The following ARID1B variants were observed in gnomAD, a reference collection of about 807,000 sequenced individuals.
The protein encoded by ARID1B is AT-rich interactive domain-containing protein 1B.
In ARID1B, 30 loss-of-function variants were observed where a neutral mutation model predicts 212.3. The observed-to-expected ratio is 0.14, with a 90% CI of 0.11 to 0.19. The LOEUF (loss-of-function observed/expected upper bound fraction) is 0.19. Ranked by LOEUF, ARID1B falls within the 10% of genes least tolerant of loss-of-function variation. The pLI, the probability that ARID1B is intolerant of heterozygous loss-of-function variation, is 1.00. For synonymous variants in ARID1B, 1,402 were observed against 1,301.7 expected, an observed-to-expected ratio of 1.08 and a Z score of -1.66; for missense variants, 2,891 against 3,204.0, an observed-to-expected ratio of 0.90 and a Z score of 2.36.
intron 4 of ARID1B, among the ~76,000 whole-genome samples, chr6:157,001,436 G>A (rs1422998344): frequency 6.6e-6 from 1 of 152,162 alleles, no homozygotes; most frequent in Admixed American, 6.5e-5. Context: ...GATGACGTGA[G>A]GTTCTGGTTC....
chr6:156,964,734 A>G (rs906831524), intron 4 of ARID1B, among the ~76,000 whole-genome samples: 1 of 152,242 alleles, frequency 6.6e-6, no homozygotes, highest in Non-Finnish European at 1.5e-5. Context: ...ATTTTCATTA[A>G]TATTTTAGCA....
At chr6:156,811,536 G>A (rs987888144) in intron 1 of ARID1B, among the ~76,000 whole-genome samples, 2 of 152,144 alleles carry the variant, frequency 1.3e-5, no homozygotes, top group African/African-American at 4.8e-5. Flanking sequence ...TTTTCATTCT[G>A]AGGCCTCTTC....
intron 7 of ARID1B, among the ~76,000 whole-genome samples, chr6:157,144,181 G>C (rs1294535077): frequency 6.6e-6 from 1 of 152,190 alleles, no homozygotes; most frequent in Non-Finnish European, 1.5e-5. Context: ...TGTTCATTAA[G>C]ATACAGCCCT....
chr6:157,137,879 G>A (rs1243701283), intron 7 of ARID1B, among the ~76,000 whole-genome samples: 1 of 152,110 alleles, frequency 6.6e-6, no homozygotes, highest in Non-Finnish European at 1.5e-5. Context: ...TTTGGTAAAG[G>A]TGTTTTTCAG....
chr6:157,029,817 T>C (rs1380234979), intron 4 of ARID1B, among the ~76,000 whole-genome samples: 2 of 152,180 alleles, frequency 1.3e-5, no homozygotes, highest in Non-Finnish European at 2.9e-5. Flanking sequence ...GTTTAGCTTC[T>C]TGTGGACCAT....
At chr6:157,011,145 T>C (rs573553725) in intron 4 of ARID1B, among the ~76,000 whole-genome samples, 4 of 152,338 alleles carry the variant, frequency 2.6e-5, no homozygotes, top group African/African-American at 9.6e-5. Flanking sequence ...ACCTTTTGTT[T>C]TTAGTGCAGG....
At chr6:156,895,916 A>G (rs1788350013) in intron 2 of ARID1B, among the ~76,000 whole-genome samples, 1 of 152,240 alleles carries the variant, frequency 6.6e-6, no homozygotes, top group Non-Finnish European at 1.5e-5. Context: ...GTGTGTTTAT[A>G]AACAGTATAC....
intron 2 of ARID1B, among the ~76,000 whole-genome samples, chr6:156,855,930 G>A (rs1296631688): frequency 1.3e-5 from 2 of 152,146 alleles, no homozygotes; most frequent in Non-Finnish European, 2.9e-5. Flanking sequence ...GATTATAGTG[G>A]TTTGTTCTCT....
intron 7 of ARID1B, among the ~76,000 whole-genome samples, chr6:157,136,270 C>T (rs1175835616): frequency 3.9e-5 from 6 of 152,178 alleles, no homozygotes; most frequent in African/African-American, 1.4e-4. Context: ...TCTTAATTAA[C>T]GGGAAGCCCT....
intron 4 of ARID1B, among the ~76,000 whole-genome samples, chr6:157,068,113 G>T (rs1296847292): frequency 6.6e-6 from 1 of 152,184 alleles, no homozygotes; most frequent in Non-Finnish European, 1.5e-5. Flanking sequence ...TCACAATTTG[G>T]TTCTCTTATC....
intron 3 of ARID1B, among the ~76,000 whole-genome samples, chr6:156,926,566 A>T (rs1290803295): frequency 6.6e-6 from 1 of 152,154 alleles, no homozygotes; most frequent in East Asian, 1.9e-4. Context: ...ATGTAAACAG[A>T]AGTAGATAAT....
rs1436548416 is a variant in ARID1B at position 157,027,801 on chromosome 6, T to A, written c.2248-56861T>A. ...CACAATATGTCTTCTACATAGTGAC[T>A]TTGTAACAACTTTCAGCTTCCTTTT... On this transcript the variant is annotated intron_variant, in intron 4 of 19. Transcript: ENST00000636930. Among the ~76,000 whole-genome samples, 7 of 152,364 alleles carry A rather than the reference T, an allele frequency of 4.6e-5. 1 individual carries two copies. In the East Asian group the frequency reaches 1.3e-3, roughly 29 times the overall value.
intron 6 of ARID1B, among the ~76,000 whole-genome samples, chr6:157,132,681 G>T (rs533603487): frequency 6.6e-6 from 1 of 152,310 alleles, no homozygotes; most frequent in Admixed American, 6.5e-5. Flanking sequence ...GGGGCAGAGG[G>T]TTTGCAGTAC....
chr6:157,179,424 G>C (rs1279806266), intron 11 of ARID1B, among the ~76,000 whole-genome samples: 3 of 151,784 alleles, frequency 2.0e-5, no homozygotes, highest in East Asian at 3.9e-4. Flanking sequence ...AAATTTATTT[G>C]GATATATAGT....
chr6:156,932,147 G>A (rs981764086), intron 3 of ARID1B, among the ~76,000 whole-genome samples: 2 of 135,692 alleles, frequency 1.5e-5, no homozygotes, highest in Non-Finnish European at 3.0e-5. Flanking sequence ...AAAAAAAAAG[G>A]GGGGGGGCGG....
intron 15 of ARID1B, 129 bp from the exon 16 acceptor site, chr6:157,196,036 G>A: frequency 8.4e-7 from 1 of 1,193,548 alleles, no homozygotes; most frequent in Non-Finnish European, 1.2e-6. Context: ...ATTAGCCTGG[G>A]CGACAGAGTG....
chr6:156,798,184 C>T (rs1780528239), intron 1 of ARID1B, among the ~76,000 whole-genome samples: 1 of 152,210 alleles, frequency 6.6e-6, no homozygotes, highest in African/African-American at 2.4e-5. Context: ...GCGCCTGCCG[C>T]TCTGCTTTCT....
At chr6:157,087,416 A>G (rs1785024992) in intron 5 of ARID1B, among the ~76,000 whole-genome samples, 1 of 152,218 alleles carries the variant, frequency 6.6e-6, no homozygotes, top group South Asian at 2.1e-4. Flanking sequence ...AGAAGCTTCT[A>G]AGCCTCTCTG....
intron 8 of ARID1B, among the ~76,000 whole-genome samples, chr6:157,161,599 A>G (rs1790951943): frequency 6.6e-6 from 1 of 152,164 alleles, no homozygotes. Flanking sequence ...GATGCTAGAT[A>G]CATGTGTGAG....
Sources: gnomAD v4.1 joint callset for allele counts (sites outside exome capture counted in the v4.1 genomes callset) on GRCh38, gnomAD v4.1.1 for gene constraint, MANE v1.5 for transcripts, NCBI Gene and HGNC (gene_info 2026-07-23, HGNC 2026-07-21) for gene names.